The following U2SURP variants were observed in gnomAD, a reference collection of about 807,000 sequenced individuals.
The protein encoded by U2SURP is U2 snRNP associated SURP domain containing.
In U2SURP, 9 loss-of-function variants were observed where a neutral mutation model predicts 144.9. The ratio of observed to expected loss-of-function variants is 0.06; its 90% CI spans 0.04 to 0.11. The LOEUF (loss-of-function observed/expected upper bound fraction) is 0.11. U2SURP is among the 10% of genes least tolerant of loss of function. The pLI, the probability that U2SURP is intolerant of heterozygous loss-of-function variation, is 1.00. For synonymous variants in U2SURP, 408 were observed against 396.8 expected, an observed-to-expected ratio of 1.03 and a Z score of -0.33; for missense variants, 724 against 1,226.7, an observed-to-expected ratio of 0.59 and a Z score of 6.12.
intron 24 of U2SURP, among the ~76,000 whole-genome samples, chr3:143,047,003 C>A (rs1934515928): frequency 1.4e-5 from 2 of 139,778 alleles, no homozygotes; most frequent in Non-Finnish European, 3.1e-5. Flanking sequence ...GGGGGCTGAC[C>A]CCCCCACCTC....
At chr3:143,022,444 ATT>A in intron 10 of U2SURP, 51 bp from the exon 11 acceptor site, 1 of 1,423,440 alleles carries the variant, frequency 7.0e-7, no homozygotes, top group Non-Finnish European at 9.3e-7. Flanking sequence ...TCTGAAAATA[ATT>A]TTTTCTTTTC....
intron 3 of U2SURP, among the ~76,000 whole-genome samples, chr3:143,013,936 A>G (rs747943838): frequency 6.6e-6 from 1 of 151,962 alleles, no homozygotes; most frequent in Non-Finnish European, 1.5e-5. Flanking sequence ...GTTTGCCTCC[A>G]TTTGCTTATT....
intron 1 of U2SURP, 57 bp downstream of exon 1, chr3:143,001,730 A>G: frequency 6.2e-7 from 1 of 1,603,798 alleles, no homozygotes. Context: ...TTTGGGGCCC[A>G]CAGACGCTTC....
intron 16 of U2SURP, among the ~76,000 whole-genome samples, 195 bp from the exon 17 acceptor site, chr3:143,032,589 A>C (rs950241255): frequency 3.3e-5 from 5 of 152,226 alleles, no homozygotes; most frequent in Non-Finnish European, 7.3e-5. Context: ...CTTATTCTAC[A>C]GAGTATTCTT....
chr3:143,046,297 A>ATTTTTTTTT (rs11400849), intron 24 of U2SURP, among the ~76,000 whole-genome samples: 12 of 106,402 alleles, frequency 1.1e-4, no homozygotes, highest in Middle Eastern at 5.2e-3. Flanking sequence ...TTTATTTTTT[A>ATTTTTTTTT]TTTTTTTTTA....
chr3:143,004,790 T>A (rs1935749737), intron 1 of U2SURP, among the ~76,000 whole-genome samples: 1 of 152,154 alleles, frequency 6.6e-6, no homozygotes, highest in African/African-American at 2.4e-5. Context: ...GATGTAGACA[T>A]TTAACAAATG....
intron 24 of U2SURP, among the ~76,000 whole-genome samples, chr3:143,048,130 G>C (rs1362115875): frequency 1.3e-5 from 2 of 152,160 alleles, no homozygotes; most frequent in African/African-American, 4.8e-5. Flanking sequence ...GTTGGAAGGT[G>C]ATACCTGTCT....
chr3:143,017,959 T>C (rs767446473), intron 6 of U2SURP, among the ~76,000 whole-genome samples: 12 of 151,824 alleles, frequency 7.9e-5, no homozygotes, highest in Non-Finnish European at 1.2e-4. Context: ...CAGTGGCTTA[T>C]GCCTGTAATC....
In U2SURP at chr3:143,044,289, C is replaced by CTTTTTTTTTTTTTTT. The variant is rs56916268; in HGVS notation, c.2544+1016_2544+1030dup. Among the ~76,000 whole-genome samples, 244 of 81,338 alleles carry CTTTTTTTTTTTTTTT rather than the reference C, an allele frequency of 3.0e-3. 25 individuals are homozygous for CTTTTTTTTTTTTTTT. Among genetic ancestry groups the CTTTTTTTTTTTTTTT allele is most frequent in the African/African-American group, 7.9e-3 (136 of 17,282 alleles). The allele number at this position is 81,338 out of a possible 152,430, so 53.4% of individuals were successfully genotyped here. ...TTTCCCTTTTCCCCTCTCCCCTCTC[C>CTTTTTTTTTTTTTTT]TTTTTTTTTTTTTTTTTGAGACGGG... On this transcript the variant is annotated intron_variant, in intron 24 of 27. Transcript: ENST00000473835.
At chr3:143,054,845 G>A (rs1448028376) in intron 26 of U2SURP, 98 bp from the exon 27 acceptor site, 2 of 1,252,440 alleles carry the variant, frequency 1.6e-6, no homozygotes, top group Admixed American at 3.4e-5. Flanking sequence ...TAGAATAAAA[G>A]AGTAAGCTGG....
At chr3:143,008,885 C>T (rs930659195) in intron 1 of U2SURP, among the ~76,000 whole-genome samples, 8 of 152,284 alleles carry the variant, frequency 5.3e-5, no homozygotes, top group African/African-American at 1.4e-4. Flanking sequence ...CCTGCCTCAG[C>T]GAGTAGCTGG....
chr3:143,009,413 C>T (rs567889865), intron 1 of U2SURP, among the ~76,000 whole-genome samples: 6 of 151,906 alleles, frequency 3.9e-5, no homozygotes, highest in Non-Finnish European at 8.8e-5. Flanking sequence ...GCCTGGCCAA[C>T]GTGGTAAAAC....
rs1936558822 is a variant in U2SURP at position 143,020,058 on chromosome 3, A to G, written c.638+22A>G. ...AGCAGTAAGTTTTATAGTGTGGAGAATAACTATCATAGGTGTATTGAGCTG... is the reference window on the plus strand; with the variant it reads ...AGCAGTAAGTTTTATAGTGTGGAGAGTAACTATCATAGGTGTATTGAGCTG... On this transcript the variant is annotated intron_variant, in intron 7 of 27. Transcript: ENST00000473835. 2.8e-6 allele frequency: 4 copies of G among 1,407,578 alleles called. No homozygotes were observed. In the Admixed American group the frequency reaches 7.3e-5, roughly 26 times the overall value. The allele number at this position is 1,407,578 out of a possible 1,614,324, so 87.2% of individuals were successfully genotyped here. A position where few individuals can be genotyped will look rare whatever the true frequency, so the allele number is the denominator to read the frequency against.
chr3:143,027,578 A>G (rs571987841), intron 14 of U2SURP, among the ~76,000 whole-genome samples: 1 of 152,310 alleles, frequency 6.6e-6, no homozygotes, highest in East Asian at 1.9e-4. Context: ...ATTTAGCATA[A>G]TGTCCTCAGG....
intron 2 of U2SURP, 135 bp downstream of exon 2, chr3:143,010,994 A>C: frequency 1.6e-6 from 1 of 608,294 alleles, no homozygotes; most frequent in Non-Finnish European, 2.6e-6. Context: ...TTTTTTTTCT[A>C]GGCGCCTTCC....
At chr3:143,004,573 ACCCCCC>A (rs753834748) in intron 1 of U2SURP, among the ~76,000 whole-genome samples, 1 of 48,592 alleles carries the variant, frequency 2.1e-5, no homozygotes, top group East Asian at 6.9e-4. Flanking sequence ...TGACCTTGTG[ACCCCCC>A]CCCCCCGCCT....
At position 143,024,365 on chromosome 3, in the gene U2SURP, C is replaced by G. The variant is rs57697767; in HGVS notation, c.1274+347C>G. 4.5e-3 allele frequency: 1,639 copies of G among 365,022 alleles called. 25 individuals are homozygous for G. The highest frequency in any genetic ancestry group is 0.031 in the African/African-American group (1,484 of 47,132). The allele number at this position is 365,022 out of a possible 1,614,324, so 22.6% of individuals were successfully genotyped here. A position where few individuals can be genotyped will look rare whatever the true frequency, so the allele number is the denominator to read the frequency against. ...TTTCAGATAACGTTACAGTTTGACCCAATCTGTTGTTATTTTTTTCTTGTT... is the reference window on the plus strand; with the variant it reads ...TTTCAGATAACGTTACAGTTTGACCGAATCTGTTGTTATTTTTTTCTTGTT... On this transcript the variant is annotated intron_variant, in intron 13 of 27. Coordinates refer to ENST00000473835, the MANE Select transcript of U2SURP (RefSeq NM_001080415.2).
chr3:143,051,969 AT>A (rs1282387892), intron 25 of U2SURP, among the ~76,000 whole-genome samples: 3 of 152,132 alleles, frequency 2.0e-5, no homozygotes, highest in Admixed American at 6.6e-5. Context: ...GATCATTTTC[AT>A]TTTCATTATC....
intron 19 of U2SURP, 79 bp downstream of exon 19, chr3:143,035,054 A>G (rs1933735115): frequency 4.1e-6 from 3 of 736,238 alleles, no homozygotes; most frequent in East Asian, 5.8e-5. Context: ...AGAAAAGTGC[A>G]TAAGACAAGT....
Sources: gnomAD v4.1 joint callset for allele counts (sites outside exome capture counted in the v4.1 genomes callset) on GRCh38, gnomAD v4.1.1 for gene constraint, MANE v1.5 for transcripts, NCBI Gene and HGNC (gene_info 2026-07-23, HGNC 2026-07-21) for gene names.